LEPR: variants seen among roughly 807,000 people sequenced by gnomAD.
The protein encoded by LEPR is leptin receptor.
A neutral mutation model predicts 114.7 loss-of-function variants in LEPR; 56 were observed. The ratio of observed to expected loss-of-function variants is 0.49; its 90% confidence interval spans 0.39 to 0.61. The LOEUF (loss-of-function observed/expected upper bound fraction) is 0.61, where lower values mean the gene tolerates loss of function less well. Among genes scored for constraint, LEPR ranks in the 20% least tolerant of loss-of-function variants. LEPR has a pLI of 0.00. For missense variants in LEPR, 1,202 were observed against 1,352.9 expected, an observed-to-expected ratio of 0.89 and a Z score of 1.75; for synonymous variants, 443 against 461.4, an observed-to-expected ratio of 0.96 and a Z score of 0.51.
At chr1:65,498,810 A>G (rs1475913728) in intron 2 of LEPR, among the ~76,000 whole-genome samples, 1 of 152,168 alleles carries the variant, frequency 6.6e-6, no homozygotes, top group Non-Finnish European at 1.5e-5. Context: ...GTTTAAAAAT[A>G]AATAAATGAA....
intron 2 of LEPR, among the ~76,000 whole-genome samples, chr1:65,504,186 C>G (rs933349805): frequency 2.6e-5 from 4 of 152,064 alleles, no homozygotes; most frequent in Admixed American, 2.6e-4. Context: ...AATAAACAGT[C>G]GAGTAAGTAA....
chr1:65,454,169 T>C (rs1001038871), intron 2 of LEPR, among the ~76,000 whole-genome samples: 10 of 152,136 alleles, frequency 6.6e-5, no homozygotes, highest in African/African-American at 2.4e-4. Context: ...TTTGAGCCTA[T>C]GTGTGTCTCT....
chr1:65,480,922 C>T lies in LEPR; in HGVS notation c.-21+55544C>T, dbSNP rs201317645. Among the ~76,000 whole-genome samples the T allele has an allele frequency of 4.9e-4, 74 of 152,246 alleles. 2 individuals are homozygous for T. The East Asian group carries it at 8.7e-3, about 18-fold the overall frequency. On this transcript the variant is annotated intron_variant, in intron 2 of 19. Coordinates refer to ENST00000349533, the MANE Select transcript of LEPR (RefSeq NM_002303.6). ...TGTTTTGAACAACTAGCTTACACTC[C>T]AATAAATACGTATATATTAGTTTCC...
chr1:65,611,330 G>C (rs376111335), intron 14 of LEPR, among the ~76,000 whole-genome samples: 1 of 152,120 alleles, frequency 6.6e-6, no homozygotes, highest in Non-Finnish European at 1.5e-5. Context: ...GGGAATTCAG[G>C]ACCTGTATTC....
chr1:65,438,581 A>C (rs1337345380), intron 2 of LEPR, among the ~76,000 whole-genome samples: 1 of 145,892 alleles, frequency 6.9e-6, no homozygotes, highest in African/African-American at 2.5e-5. Context: ...AAGACAGTTG[A>C]GCTAGAGAGT....
intron 8 of LEPR, among the ~76,000 whole-genome samples, chr1:65,599,644 G>A (rs1299033047): frequency 6.6e-6 from 1 of 152,130 alleles, no homozygotes; most frequent in Admixed American, 6.6e-5. Flanking sequence ...TATTTGGAAA[G>A]TTTCTTAACC....
At chr1:65,426,869 A>G (rs759052855) in intron 2 of LEPR, among the ~76,000 whole-genome samples, 162 of 152,170 alleles carry the variant, frequency 1.1e-3, no homozygotes, top group Non-Finnish European at 1.9e-3. Flanking sequence ...GTGGTGGCAC[A>G]CGCCTGTATT....
intron 2 of LEPR, among the ~76,000 whole-genome samples, chr1:65,540,506 C>T (rs1302301047): frequency 6.6e-6 from 1 of 152,212 alleles, no homozygotes; most frequent in African/African-American, 2.4e-5. Flanking sequence ...CTTGCTCCCC[C>T]TTGCCATGTG....
At chr1:65,555,115 G>A (rs1212886178) in intron 2 of LEPR, among the ~76,000 whole-genome samples, 1 of 152,104 alleles carries the variant, frequency 6.6e-6, no homozygotes, top group South Asian at 2.1e-4. Context: ...TGCCTCCTGC[G>A]TTGATCTCCC....
chr1:65,622,886 G>T lies in LEPR; in HGVS notation c.2598-20G>T. ...ATGGATGTTTTTCTCTAATTTTGAT[G>T]CCCTGTTTATCCTTTGTAGAATGAA... On this transcript the variant is annotated intron_variant, in intron 18 of 19. Coordinates refer to ENST00000349533, the MANE Select transcript of LEPR (RefSeq NM_002303.6). 1 of 1,612,780 alleles carries T rather than the reference G, an allele frequency of 6.2e-7. No homozygotes were observed. Among genetic ancestry groups the T allele is most frequent in the African/African-American group, 1.3e-5 (1 of 74,972 alleles).
intron 2 of LEPR, among the ~76,000 whole-genome samples, chr1:65,500,711 A>G (rs1306872267): frequency 6.6e-6 from 1 of 152,192 alleles, no homozygotes; most frequent in Non-Finnish European, 1.5e-5. Context: ...ATTATTTGTA[A>G]GGCTTTTGGT....
intron 2 of LEPR, among the ~76,000 whole-genome samples, chr1:65,477,424 G>T (rs1647171805): frequency 6.6e-6 from 1 of 152,158 alleles, no homozygotes; most frequent in Non-Finnish European, 1.5e-5. Flanking sequence ...GTCCAATGAT[G>T]GATACCTGAA....
At chr1:65,432,543 T>C in intron 2 of LEPR, 1 of 848,238 alleles carries the variant, frequency 1.2e-6, no homozygotes, top group Non-Finnish European at 1.4e-6. Flanking sequence ...TTAACCTCTC[T>C]GGGTGTTACC....
intron 2 of LEPR, among the ~76,000 whole-genome samples, chr1:65,518,904 T>C (rs1223380268): frequency 1.1e-5 from 1 of 88,472 alleles, no homozygotes; most frequent in Non-Finnish European, 2.6e-5. Context: ...TTTCTTTCTT[T>C]CTTTCTTTCT....
chr1:65,432,104 T>G, intron 2 of LEPR: 1 of 1,293,732 alleles, frequency 7.7e-7, no homozygotes, highest in Non-Finnish European at 9.8e-7. Context: ...AATAGACCTG[T>G]CAAATTTAGA....
At chr1:65,569,973 C>A (rs1360220640) in intron 3 of LEPR, among the ~76,000 whole-genome samples, 1 of 151,942 alleles carries the variant, frequency 6.6e-6, no homozygotes. Context: ...AAGACAAATT[C>A]TTTCTAAAAG....
At chr1:65,483,607 A>G (rs1239902751) in intron 2 of LEPR, among the ~76,000 whole-genome samples, 2 of 152,188 alleles carry the variant, frequency 1.3e-5, no homozygotes, top group Non-Finnish European at 2.9e-5. Context: ...AGGACTTGGT[A>G]TGTATGATCT....
chr1:65,544,058 G>C (rs1039255555), intron 2 of LEPR, among the ~76,000 whole-genome samples: 1 of 152,030 alleles, frequency 6.6e-6, no homozygotes, highest in Non-Finnish European at 1.5e-5. Context: ...ACTTTGGGCA[G>C]TATAGCTGTT....
At chr1:65,546,415 C>T (rs1456967882) in intron 2 of LEPR, among the ~76,000 whole-genome samples, 8 of 152,112 alleles carry the variant, frequency 5.3e-5, no homozygotes, top group African/African-American at 9.7e-5. Flanking sequence ...GCCATTTTCA[C>T]GATATTGATT....
Sources: gnomAD v4.1 joint callset for allele counts (sites outside exome capture counted in the v4.1 genomes callset) on GRCh38, gnomAD v4.1.1 for gene constraint, MANE v1.5 for transcripts, NCBI Gene and HGNC (gene_info 2026-07-23, HGNC 2026-07-21) for gene names.